EPB41L5: variants seen among roughly 807,000 people sequenced by gnomAD.
EPB41L5 encodes the protein erythrocyte membrane protein band 4.1 like 5.
EPB41L5 carries 55 observed loss-of-function variants against 106.6 expected under a neutral mutation model. The observed-to-expected ratio is 0.52, with a 90% CI of 0.42 to 0.65. The LOEUF (loss-of-function observed/expected upper bound fraction) is 0.65. EPB41L5 is among the 30% of genes least tolerant of loss of function. EPB41L5 has a pLI of 0.00. For synonymous variants in EPB41L5, 297 were observed against 306.7 expected (o/e 0.97, Z 0.33); for missense variants, 871 against 882.1 (o/e 0.99, Z 0.16).
intron 20 of EPB41L5, among the ~76,000 whole-genome samples, chr2:120,153,555 T>G (rs1271977706): frequency 6.6e-6 from 1 of 152,180 alleles, no homozygotes; most frequent in African/African-American, 2.4e-5. Flanking sequence ...TTTCTCTGGT[T>G]GTTCTACCCA....
chr2:120,044,958 T>C (rs1243137983), intron 3 of EPB41L5, among the ~76,000 whole-genome samples: 1 of 152,218 alleles, frequency 6.6e-6, no homozygotes, highest in East Asian at 1.9e-4. Context: ...GCTAAACTTT[T>C]CAAGTTCTTA....
intron 2 of EPB41L5, 81 bp from the exon 3 acceptor site, chr2:120,041,925 G>A (rs1558817405): frequency 3.0e-6 from 3 of 996,960 alleles, no homozygotes; most frequent in East Asian, 2.5e-5. Flanking sequence ...AAGAGATCTT[G>A]TATAACTAAA....
rs1685568855 is a variant in EPB41L5, at chr2:120,128,818, T to C, written c.1501+967T>C. On this transcript the variant is annotated intron_variant, in intron 17 of 24. Transcript: ENST00000263713. The stretch of plus-strand genomic sequence containing the variant: ...GGTAATTTCAAAGTAATTTTGATTT[T>C]TTAAGGTAGTAGTCTGTTATTAGAT... Among the ~76,000 whole-genome samples, 3 of 145,160 alleles carry C rather than the reference T, an allele frequency of 2.1e-5. No individual in the cohort carries two copies. The South Asian group carries it at 6.5e-4, about 31-fold the overall frequency.
chr2:120,051,283 T>A (rs1680265292), intron 3 of EPB41L5, among the ~76,000 whole-genome samples: 1 of 152,200 alleles, frequency 6.6e-6, no homozygotes. Flanking sequence ...CAGGCCTCCT[T>A]GAGCTGCGGT....
intron 2 of EPB41L5, among the ~76,000 whole-genome samples, chr2:120,034,323 G>A (rs1210154876): frequency 6.6e-6 from 1 of 152,158 alleles, no homozygotes; most frequent in Non-Finnish European, 1.5e-5. Context: ...AGAATAAGGA[G>A]GAGAGTTATT....
At chr2:120,093,975 T>A (rs1029845702) in intron 14 of EPB41L5, among the ~76,000 whole-genome samples, 4 of 152,128 alleles carry the variant, frequency 2.6e-5, no homozygotes, top group African/African-American at 9.7e-5. Flanking sequence ...CTTCTCTTTT[T>A]TTTTGTTGGG....
At chr2:120,091,032 A>T (rs979780499) in intron 12 of EPB41L5, among the ~76,000 whole-genome samples, 1 of 152,176 alleles carries the variant, frequency 6.6e-6, no homozygotes, top group Non-Finnish European at 1.5e-5. Context: ...GATTGTACCA[A>T]TAATGTGGCC....
rs1295678754 is a variant in EPB41L5, at chr2:120,101,645, G to C, written c.1337+831G>C. 7.2e-5 allele frequency: 11 copies of C among 152,378 alleles called. No homozygotes were observed. The South Asian group carries it at 1.5e-3, about 20-fold the overall frequency. The allele number at this position is 152,378 out of a possible 1,614,324, so 9.4% of individuals were successfully genotyped here. On this transcript the variant is annotated intron_variant, in intron 16 of 24. Coordinates refer to ENST00000263713, the MANE Select transcript of EPB41L5 (RefSeq NM_020909.4). Reference sequence around the variant, plus strand: ...TGTGGTGATCTCAAGGTTTTGGTCAGCTTTCTGTGCAGCCAGTTCTTCCTT... The same window carrying C: ...TGTGGTGATCTCAAGGTTTTGGTCACCTTTCTGTGCAGCCAGTTCTTCCTT...
chr2:120,026,484 TCAGCC>T (rs1678325240), intron 2 of EPB41L5, among the ~76,000 whole-genome samples: 1 of 152,214 alleles, frequency 6.6e-6, no homozygotes, highest in Non-Finnish European at 1.5e-5. Flanking sequence ...GTCTCCTGCC[TCAGCC>T]TCCGGAGTAG....
intron 21 of EPB41L5, 146 bp downstream of exon 21, chr2:120,161,120 A>G (rs961573555): frequency 2.0e-5 from 13 of 634,580 alleles, no homozygotes; most frequent in Admixed American, 1.9e-4. Context: ...GCTCACACCT[A>G]TAATTCCAGC....
intron 16 of EPB41L5, among the ~76,000 whole-genome samples, chr2:120,108,861 T>C (rs1684593569): frequency 6.6e-6 from 1 of 152,228 alleles, no homozygotes; most frequent in Non-Finnish European, 1.5e-5. Flanking sequence ...AAGATTGGGT[T>C]CTCTGGAATA....
At chr2:120,151,747 G>C (rs1686689989) in intron 20 of EPB41L5, among the ~76,000 whole-genome samples, 1 of 151,602 alleles carries the variant, frequency 6.6e-6, no homozygotes, top group Non-Finnish European at 1.5e-5. Flanking sequence ...CTCCTGAGTA[G>C]CTGGGATTAC....
chr2:120,113,532 C>T (rs1270220470), intron 16 of EPB41L5, among the ~76,000 whole-genome samples: 2 of 152,136 alleles, frequency 1.3e-5, no homozygotes, highest in Non-Finnish European at 2.9e-5. Context: ...TTATGTGTAA[C>T]TACGTTTAAA....
intron 3 of EPB41L5, among the ~76,000 whole-genome samples, chr2:120,072,913 C>T (rs930495131): frequency 1.5e-5 from 2 of 131,944 alleles, no homozygotes; most frequent in African/African-American, 5.3e-5. Flanking sequence ...ACATGTATCC[C>T]AGAACTTAAA....
At chr2:120,154,484 T>C (rs1242183529) in intron 20 of EPB41L5, among the ~76,000 whole-genome samples, 1 of 151,762 alleles carries the variant, frequency 6.6e-6, no homozygotes, top group Non-Finnish European at 1.5e-5. Context: ...TATTTAAAAA[T>C]TTATCCCTTA....
intron 2 of EPB41L5, among the ~76,000 whole-genome samples, chr2:120,027,393 G>T (rs1678401127): frequency 1.3e-5 from 2 of 152,168 alleles, no homozygotes; most frequent in South Asian, 2.1e-4. Flanking sequence ...AAACGTAGAT[G>T]AATTTTGAGA....
At chr2:120,117,726 C>T (rs901000714) in intron 16 of EPB41L5, among the ~76,000 whole-genome samples, 14 of 152,256 alleles carry the variant, frequency 9.2e-5, no homozygotes, top group African/African-American at 3.4e-4. Context: ...AAACCAACAC[C>T]ATAATCAAGA....
At chr2:120,169,670 C>T (rs1414333205) in intron 24 of EPB41L5, among the ~76,000 whole-genome samples, 3 of 152,140 alleles carry the variant, frequency 2.0e-5, no homozygotes, top group African/African-American at 7.2e-5. Context: ...TGGCAAAGGA[C>T]CCACTCATAT....
At chr2:120,150,501 A>G (rs1686623886) in intron 20 of EPB41L5, among the ~76,000 whole-genome samples, 1 of 151,856 alleles carries the variant, frequency 6.6e-6, no homozygotes, top group Admixed American at 6.6e-5. Context: ...TAAAAAAAAA[A>G]AGTTTATTTT....
Sources: gnomAD v4.1 joint callset for allele counts (sites outside exome capture counted in the v4.1 genomes callset) on GRCh38, gnomAD v4.1.1 for gene constraint, MANE v1.5 for transcripts, NCBI Gene and HGNC (gene_info 2026-07-23, HGNC 2026-07-21) for gene names.